The following DNHD1 variants were observed in gnomAD, a reference collection of about 807,000 sequenced individuals.
The protein encoded by DNHD1 is dynein heavy chain domain-containing protein 1.
A neutral mutation model predicts 458.1 loss-of-function variants in DNHD1; 383 were observed. That is an observed-to-expected ratio of 0.84 (90% CI 0.77 to 0.91). The LOEUF (loss-of-function observed/expected upper bound fraction) is 0.91, where lower values mean the gene tolerates loss of function less well. DNHD1 is among the 40% of genes least tolerant of loss of function. DNHD1 has a pLI of 0.00. For synonymous variants in DNHD1, 2,203 were observed against 2,376.9 expected (o/e 0.93, Z 2.13); for missense variants, 5,336 against 5,866.1 (o/e 0.91, Z 2.95).
intron 13 of DNHD1, 129 bp from the exon 14 acceptor site, chr11:6,533,551 TC>T: frequency 8.5e-7 from 1 of 1,177,764 alleles, no homozygotes; most frequent in Non-Finnish European, 1.2e-6. Flanking sequence ...TGCCCCTGAT[TC>T]CAGTTGATTA....
rs144114328 is a variant in DNHD1, at chr11:6,519,653, C to T, written c.1446C>T (p.Asn482=). ...MQQCLQERVQ[N]CDRIRTGQGS... ...AGTGCCTACAGGAGCGAGTACAAAA[C>T]TGTGACAGGATCAGGACAGGCCAAG... Residue 482 remains asparagine, a synonymous_variant, in exon 8 of 43, where the codon AAC becomes AAT. Coordinates refer to ENST00000254579, the MANE Select transcript of DNHD1 (RefSeq NM_144666.3). 151 of 1,614,062 alleles carry T rather than the reference C, an allele frequency of 9.4e-5. No homozygotes were observed. Among genetic ancestry groups the T allele is most frequent in the Non-Finnish European group, 1.3e-4 (148 of 1,180,026 alleles).
At chr11:6,500,982 AG>A (rs1852121799) in intron 3 of DNHD1, among the ~76,000 whole-genome samples, 1 of 151,808 alleles carries the variant, frequency 6.6e-6, no homozygotes, top group Non-Finnish European at 1.5e-5. Context: ...GAGTGTAGTT[AG>A]GGGGAAAGCA....
In DNHD1 at chr11:6,529,081, G is replaced by T. The variant is rs1852774956; in HGVS notation, c.2307G>T (p.Gly769=). ...SMPIELLTKG[G]LLLLSCHDVQ... ...CTATCGAGTTGCTCACAAAAGGCGGGTTGCTGCTACTTAGCTGCCATGATG... is the reference window on the plus strand; with the variant it reads ...CTATCGAGTTGCTCACAAAAGGCGGTTTGCTGCTACTTAGCTGCCATGATG... Residue 769 remains glycine, a synonymous_variant, in exon 12 of 43, where the codon GGG becomes GGT. Transcript: ENST00000254579. 6.5e-7 allele frequency: 1 copy of T among 1,550,320 alleles called. No homozygotes were observed. The highest frequency in any genetic ancestry group is 8.7e-7 in the Non-Finnish European group (1 of 1,146,940).
rs1173899698 is a variant in DNHD1, at chr11:6,547,230, C to T, written c.6291C>T (p.Ser2097=). The change falls in exon 21 of 43, where the codon TCC becomes TCT. Residue 2097 remains serine, a synonymous_variant. Coordinates refer to ENST00000254579, the MANE Select transcript of DNHD1 (RefSeq NM_144666.3). ...DGASNGAWLD[S]ITCLLSELPQ... ...CCTCCAATGGTGCTTGGCTGGACTC[C>T]ATCACTTGCCTCCTGAGTGAGCTTC... 2 of 1,551,788 alleles carry T rather than the reference C, an allele frequency of 1.3e-6. No homozygotes were observed.
intron 13 of DNHD1, 137 bp downstream of exon 13, chr11:6,533,321 C>A: frequency 1.0e-6 from 1 of 962,778 alleles, no homozygotes; most frequent in Non-Finnish European, 1.5e-6. Flanking sequence ...AAGAGATCTA[C>A]CCTTGCTAAT....
chr11:6,512,900 A>G (rs1852375562), intron 7 of DNHD1, among the ~76,000 whole-genome samples: 1 of 152,120 alleles, frequency 6.6e-6, no homozygotes, highest in South Asian at 2.1e-4. Flanking sequence ...TGGACTCTTC[A>G]GTGATATCTT....
At position 6,538,689 on chromosome 11, in the gene DNHD1, G is replaced by A; in HGVS notation, c.3204G>A (p.Leu1068=). Residue 1068 remains leucine (L), a synonymous_variant, in exon 16 of 43, where the codon CTG becomes CTA. Coordinates refer to ENST00000254579, the MANE Select transcript of DNHD1 (RefSeq NM_144666.3). ...EAARMSTTLE[L]HSPVLQHCMR... The stretch of plus-strand genomic sequence containing the variant: ...CACGGATGAGCACAACCCTGGAGCT[G>A]CACAGCCCCGTGCTGCAGCACTGCA... The A allele has an allele frequency of 6.5e-7, 1 of 1,549,964 alleles. No individual in the cohort carries two copies. Among genetic ancestry groups the A allele is most frequent in the Non-Finnish European group, 8.7e-7 (1 of 1,145,888 alleles).
intron 10 of DNHD1, 159 bp downstream of exon 10, chr11:6,520,448 G>C (rs1284357783): frequency 1.4e-6 from 2 of 1,464,904 alleles, no homozygotes; most frequent in African/African-American, 2.8e-5. Context: ...ATGTGTTGTG[G>C]GTAGAAAGGT....
chr11:6,502,566 T>C (rs1406047224), intron 3 of DNHD1, among the ~76,000 whole-genome samples, 187 bp from the exon 4 acceptor site: 3 of 152,224 alleles, frequency 2.0e-5, no homozygotes, highest in Non-Finnish European at 2.9e-5. Flanking sequence ...TGTTCTATGA[T>C]ACGCTATATT....
chr11:6,512,043 G>A (rs1852343448), intron 7 of DNHD1, among the ~76,000 whole-genome samples: 1 of 152,038 alleles, frequency 6.6e-6, no homozygotes, highest in East Asian at 1.9e-4. Flanking sequence ...CTCAGATTTT[G>A]TGAAAATAAC....
Position 6,563,796 on chromosome 11 carries a change from T to C in DNHD1, c.9956T>C (p.Val3319Ala), listed in dbSNP as rs1372317254. The C allele has an allele frequency of 6.4e-7, 1 of 1,551,690 alleles. No homozygotes were observed. The highest frequency in any genetic ancestry group is 2.4e-5 in the East Asian group (1 of 40,924). ...ATGGACGATGCAGCCCTGCGGGCAG[T>C]GAGCCGACCTGCAGCCAGCCTGGCA... Reference protein sequence around the residue: ...PGMDDAALRAVSRPAASLAAW... With the variant: ...PGMDDAALRAASRPAASLAAW... Residue 3319 changes from valine to alanine, a missense_variant, in exon 31 of 43, where the codon GTG (valine) becomes GCG (alanine). Around this residue, in one of 4 missense-constraint regions of DNHD1, gnomAD observed 3,932 missense variants for 4,365.6 expected, o/e 0.90. Transcript: ENST00000254579.
At position 6,568,798 on chromosome 11, in the gene DNHD1, C is replaced by T; in HGVS notation, c.12795C>T (p.Leu4265=). The change falls in exon 39 of 43, where the codon CTC becomes CTT. Residue 4265 remains leucine, a synonymous_variant. Coordinates refer to ENST00000254579, the MANE Select transcript of DNHD1 (RefSeq NM_144666.3). ...MQPPTQALPL[L]LLHGLLLHRQ... Reference sequence around the variant, plus strand: ...CCCCCACCCAGGCACTACCTCTGCTCCTCCTCCATGGCCTCCTGCTACACC... The same window carrying T: ...CCCCCACCCAGGCACTACCTCTGCTTCTCCTCCATGGCCTCCTGCTACACC... 5 of 1,613,508 alleles carry T rather than the reference C, an allele frequency of 3.1e-6. No homozygotes were observed. The highest frequency in any genetic ancestry group is 4.2e-6 in the Non-Finnish European group (5 of 1,179,746).
chr11:6,498,064 A>G lies in DNHD1; in HGVS notation c.-152A>G. On this transcript the variant is annotated 5_prime_UTR_variant, in exon 3 of 43. Coordinates refer to ENST00000254579, the MANE Select transcript of DNHD1 (RefSeq NM_144666.3). ...CCTCCTAACCCCATTGACTCTGACC[A>G]TCCCCTGCCCAGAGCCTGAGGTCCC... is the stretch of plus-strand genomic sequence containing the variant. 1.9e-6 allele frequency: 2 copies of G among 1,055,900 alleles called. No homozygotes were observed. The highest frequency in any genetic ancestry group is 3.2e-4 in the Middle Eastern group (1 of 3,136). 65.4% of individuals were successfully genotyped at this position (1,055,900 alleles called of 1,614,324 possible).
In DNHD1 at chr11:6,558,889, A is replaced by G. The variant is rs1853524460; in HGVS notation, c.9212-13A>G. 1 of 1,551,534 alleles carries G rather than the reference A, an allele frequency of 6.4e-7. No homozygotes were observed. Among genetic ancestry groups the G allele is most frequent in the African/African-American group, 1.4e-5 (1 of 73,152 alleles). ...AAGCTCACAGAGTGAGGCTAAAGCCATGCCCATTGCAGGCTCCTGGAAGTA... is the reference window on the plus strand; with the variant it reads ...AAGCTCACAGAGTGAGGCTAAAGCCGTGCCCATTGCAGGCTCCTGGAAGTA... On this transcript the variant is annotated splice_polypyrimidine_tract_variant and intron_variant, in intron 26 of 42. Transcript: ENST00000254579.
At position 6,564,178 on chromosome 11, in the gene DNHD1, C is replaced by T. The variant is rs1853645368; in HGVS notation, c.10284+54C>T. The T allele has an allele frequency of 4.0e-6, 6 of 1,516,138 alleles. No individual in the cohort carries two copies. The Admixed American group carries it at 1.0e-4, about 25-fold the overall frequency. The allele number at this position is 1,516,138 out of a possible 1,614,324, so 93.9% of individuals were successfully genotyped here. A position where few individuals can be genotyped will look rare whatever the true frequency, so the allele number is the denominator to read the frequency against. On this transcript the variant is annotated intron_variant, in intron 31 of 42. Transcript: ENST00000254579. ...CCAAAGTTCCTTTTATGCCGTTCGC[C>T]TGCTCCTCCCTGTGCCCTCACTGCC...
rs1400666149 is a variant in DNHD1 at position 6,557,685 on chromosome 11, T to G, written c.8390T>G (p.Met2797Arg). ...ACTTGGTGGCAGAAGAAACCCCAGA[T>G]GGACCTGATCTCACCCTTGTTGTTA... ...FKTWWQKKPQ[M>R]DLISPLLLPV... The change falls in exon 25 of 43, where the codon ATG becomes AGG. Residue 2797 changes from methionine (M) to arginine (R), a missense_variant. By Grantham distance (91) the Met-to-Arg change is moderately conservative. This residue lies in a region of DNHD1 where 3,932 missense variants were observed against 4,365.6 expected (regional missense o/e 0.90). Transcript: ENST00000254579. The G allele has an allele frequency of 1.9e-5, 30 of 1,551,694 alleles. No individual in the cohort carries two copies.
In DNHD1 at chr11:6,538,736, G is replaced by A. The variant is rs768177473; in HGVS notation, c.3251G>A (p.Arg1084His). The A allele has an allele frequency of 2.1e-5, 32 of 1,549,058 alleles. 1 individual carries two copies. In the South Asian group the frequency reaches 2.1e-4, roughly 10 times the overall value. ...TGCATGCGCATCCTGGGGGAGTTTC[G>A]CAGCTACCTGCCCCTGCTCACTAAG... ...QHCMRILGEF[R>H]SYLPLLTKLG... Residue 1084 changes from arginine to histidine, a missense_variant, in exon 16 of 43, where the codon CGC becomes CAC. This residue lies in a region of DNHD1 where 3,932 missense variants were observed against 4,365.6 expected (regional missense o/e 0.90). Coordinates refer to ENST00000254579, the MANE Select transcript of DNHD1 (RefSeq NM_144666.3).
intron 7 of DNHD1, among the ~76,000 whole-genome samples, chr11:6,512,203 TTTTC>T (rs1161201888): frequency 2.9e-5 from 4 of 140,094 alleles, no homozygotes; most frequent in Middle Eastern, 3.5e-3. Context: ...TTTCTTTTCT[TTTTC>T]TTTCTTTTTT....
Position 6,565,783 on chromosome 11 carries a change from G to A in DNHD1, c.10845G>A (p.Glu3615=). 6 of 1,551,600 alleles carry A rather than the reference G, an allele frequency of 3.9e-6. No individual in the cohort carries two copies. Among genetic ancestry groups the A allele is most frequent in the South Asian group, 3.6e-5 (3 of 84,050 alleles). The change falls in exon 33 of 43, where the codon GAG becomes GAA. Residue 3615 remains glutamate, a synonymous_variant. Transcript: ENST00000254579. ...DDESEESNEA[E]DQTKEQKAEE... ...AGAGTGAAGAGAGTAATGAGGCTGAGGACCAGACAAAAGAGCAGAAGGCAG... is the reference window on the plus strand; with the variant it reads ...AGAGTGAAGAGAGTAATGAGGCTGAAGACCAGACAAAAGAGCAGAAGGCAG...
Sources: allele counts gnomAD v4.1 joint callset (sites outside exome capture counted in the v4.1 genomes callset), GRCh38; gene constraint gnomAD v4.1.1; regional missense constraint gnomAD v4.1.1; transcripts MANE v1.5; gene names NCBI Gene and HGNC (gene_info 2026-07-23, HGNC 2026-07-21).